Variants in SCP2 observed in about 807,000 individuals in gnomAD.
The protein encoded by SCP2 is sterol carrier protein 2.
Under a neutral mutation model 71.4 loss-of-function variants are expected in SCP2, and 48 were observed. The ratio of observed to expected loss-of-function variants is 0.67; its 90% confidence interval spans 0.53 to 0.86. SCP2 has a LOEUF of 0.86. SCP2 is among the 40% of genes least tolerant of loss of function. SCP2 has a pLI of 0.00. For missense variants in SCP2, 560 were observed against 655.6 expected, an observed-to-expected ratio of 0.85 and a Z score of 1.59; for synonymous variants, 220 against 218.1, an observed-to-expected ratio of 1.01 and a Z score of -0.08.
chr1:52,983,451 C>G (rs11206059), intron 10 of SCP2, among the ~76,000 whole-genome samples: 47,180 of 152,062 alleles, frequency 0.31, 12,056 homozygotes, highest in African/African-American at 0.7. Context: ...TCCAATGATG[C>G]ATATATTAGA....
intron 13 of SCP2, among the ~76,000 whole-genome samples, chr1:53,032,048 C>T (rs1662582582): frequency 6.6e-6 from 1 of 152,204 alleles, no homozygotes; most frequent in African/African-American, 2.4e-5. Flanking sequence ...TGGCCTAGCA[C>T]ACTATTAACC....
chr1:53,043,071 C>A (rs1663545130), intron 14 of SCP2, among the ~76,000 whole-genome samples: 1 of 152,186 alleles, frequency 6.6e-6, no homozygotes, highest in Admixed American at 6.6e-5. Flanking sequence ...TTATGGGCAG[C>A]ATGATACAGA....
intron 2 of SCP2, among the ~76,000 whole-genome samples, chr1:52,945,922 G>GT (rs1012229223): frequency 2.7e-5 from 4 of 150,934 alleles, no homozygotes; most frequent in African/African-American, 9.7e-5. Flanking sequence ...TCATTTTTAA[G>GT]TTTTTTTGTT....
chr1:52,932,639 A>C (rs1455896517), intron 1 of SCP2, among the ~76,000 whole-genome samples: 1 of 152,206 alleles, frequency 6.6e-6, no homozygotes, highest in Non-Finnish European at 1.5e-5. Flanking sequence ...TCTAGAAAAA[A>C]ACATTTTGAC....
chr1:53,041,577 A>ATCAG (rs943515633), intron 14 of SCP2, among the ~76,000 whole-genome samples: 15 of 152,264 alleles, frequency 9.9e-5, no homozygotes, highest in African/African-American at 3.6e-4. Flanking sequence ...GGGGTGAGAG[A>ATCAG]TCAGAAACAG....
At chr1:53,032,312 A>G (rs1441132560) in intron 13 of SCP2, among the ~76,000 whole-genome samples, 1 of 152,242 alleles carries the variant, frequency 6.6e-6, no homozygotes, top group East Asian at 1.9e-4. Flanking sequence ...CCTGCCTCTC[A>G]GGGAACACAG....
At chr1:52,948,449 T>A (rs1213902614) in intron 3 of SCP2, among the ~76,000 whole-genome samples, 3 of 151,894 alleles carry the variant, frequency 2.0e-5, no homozygotes, top group Admixed American at 2.0e-4. Context: ...ATCGAGACCA[T>A]CTGGCTAATA....
chr1:52,974,960 A>G (rs994162148), intron 7 of SCP2, 128 bp downstream of exon 7: 3 of 672,028 alleles, frequency 4.5e-6, no homozygotes, highest in African/African-American at 3.6e-5. Context: ...TTTTTTTCTT[A>G]CAAAAGGCTT....
rs1660151916 is a variant in SCP2, at chr1:52,999,301, C to T, written c.1081+11165C>T. ...CAATGACAGTTATGAGTAGCTTAAA[C>T]ATTTTTTCTCTAGTTACTTGGATAA... On this transcript the variant is annotated intron_variant, in intron 11 of 15. Transcript: ENST00000371514. Among the ~76,000 whole-genome samples, 4 of 152,304 alleles carry T rather than the reference C, an allele frequency of 2.6e-5. 1 individual carries two copies. In the South Asian group the frequency reaches 8.3e-4, roughly 32 times the overall value.
At chr1:52,969,221 T>A (rs1271737121) in intron 6 of SCP2, among the ~76,000 whole-genome samples, 2 of 151,576 alleles carry the variant, frequency 1.3e-5, no homozygotes, top group Non-Finnish European at 2.9e-5. Flanking sequence ...TGTTCAAGAG[T>A]CAAATATAAT....
intron 11 of SCP2, among the ~76,000 whole-genome samples, chr1:53,012,228 C>G (rs114400554): frequency 6.6e-6 from 1 of 152,190 alleles, no homozygotes; most frequent in African/African-American, 2.4e-5. Context: ...GGAAGGAATG[C>G]GTGCTCAGAG....
intron 1 of SCP2, among the ~76,000 whole-genome samples, chr1:52,940,597 A>G (rs1195801967): frequency 6.6e-6 from 1 of 152,180 alleles, no homozygotes; most frequent in Non-Finnish European, 1.5e-5. Flanking sequence ...TCTGTAATGC[A>G]CGGAACCTAC....
At chr1:53,024,183 T>C (rs75027630) in intron 12 of SCP2, among the ~76,000 whole-genome samples, 2,838 of 152,256 alleles carry the variant, frequency 0.019, 96 homozygotes, top group African/African-American at 0.065. Flanking sequence ...CCAAGTGATA[T>C]GTCAGTCACA....
intron 12 of SCP2, among the ~76,000 whole-genome samples, chr1:53,021,317 C>CTT (rs35858975): frequency 0.27 from 34,455 of 127,196 alleles, 7,583 homozygotes; most frequent in African/African-American, 0.61. Flanking sequence ...CCGTCAACCA[C>CTT]TTTTTTTTTT....
chr1:52,990,444 A>G (rs186776639), intron 11 of SCP2, among the ~76,000 whole-genome samples: 3 of 152,272 alleles, frequency 2.0e-5, no homozygotes, highest in Admixed American at 2.0e-4. Flanking sequence ...ACTAAAGGAA[A>G]GTATGAGAAC....
chr1:52,978,431 G>T (rs1275730700), intron 9 of SCP2, 64 bp downstream of exon 9: 2 of 1,283,214 alleles, frequency 1.6e-6, no homozygotes, highest in African/African-American at 2.9e-5. Context: ...TCTTGTGATG[G>T]AGCCATGCAT....
At chr1:53,040,722 A>T (rs1176489297) in intron 14 of SCP2, among the ~76,000 whole-genome samples, 1 of 152,154 alleles carries the variant, frequency 6.6e-6, no homozygotes, top group African/African-American at 2.4e-5. Context: ...CTCCGTCTAA[A>T]AAAAAACAAA....
intron 11 of SCP2, among the ~76,000 whole-genome samples, chr1:53,012,052 C>T (rs1051766842): frequency 2.0e-5 from 3 of 152,120 alleles, no homozygotes; most frequent in Admixed American, 1.3e-4. Flanking sequence ...TCATGAAAGC[C>T]ATAACCCCTT....
Position 52,959,755 on chromosome 1 carries a change from C to T in SCP2, c.397-1748C>T, listed in dbSNP as rs77495663. 4.8e-3 allele frequency among the ~76,000 whole-genome samples: 731 copies of T among 152,096 alleles called. 12 individuals are homozygous for T. The highest frequency in any genetic ancestry group is 0.017 in the African/African-American group (694 of 41,494). ...GTCTTTTTAATGTAGGATCTTTGGA[C>T]GTGTCTTTTCCCTTCCCTTCTTCTG... On this transcript the variant is annotated intron_variant, in intron 5 of 15. Coordinates refer to ENST00000371514, the MANE Select transcript of SCP2 (RefSeq NM_002979.5).
Sources: gnomAD v4.1 joint callset for allele counts (sites outside exome capture counted in the v4.1 genomes callset) on GRCh38, gnomAD v4.1.1 for gene constraint, MANE v1.5 for transcripts, NCBI Gene and HGNC (gene_info 2026-07-23, HGNC 2026-07-21) for gene names.